The following FABP12 variants were observed in gnomAD, a reference collection of about 807,000 sequenced individuals.
The protein encoded by FABP12 is fatty acid-binding protein 12.
FABP12 carries 19 observed loss-of-function variants against 13.7 expected under a neutral mutation model. The observed-to-expected ratio is 1.39, with a 90% CI of 0.97 to 2.04. The LOEUF (loss-of-function observed/expected upper bound fraction) is 2.04, where lower values mean the gene tolerates loss of function less well. Among genes scored for constraint, FABP12 ranks in the 30% most tolerant of loss-of-function variants. The pLI, the probability that FABP12 is intolerant of heterozygous loss-of-function variation, is 0.00. For synonymous variants in FABP12, 61 were observed against 57.0 expected (o/e 1.07, Z -0.32); for missense variants, 182 against 164.2 (o/e 1.11, Z -0.59).
intron 1 of FABP12, among the ~76,000 whole-genome samples, chr8:81,568,146 G>T (rs1809862958): frequency 2.2e-5 from 3 of 136,230 alleles, no homozygotes; most frequent in Non-Finnish European, 4.8e-5. Flanking sequence ...AAAAAAAAAA[G>T]TTTCCACACA....
intron 4 of FABP12, among the ~76,000 whole-genome samples, chr8:81,525,529 A>AAT (rs1554576048): frequency 1.3e-5 from 2 of 149,976 alleles, no homozygotes; most frequent in African/African-American, 5.0e-5. Context: ...AAAAAAAAAA[A>AAT]ATAGATAGAT....
At chr8:81,553,575 A>G (rs1041104900) in intron 1 of FABP12, among the ~76,000 whole-genome samples, 1 of 152,174 alleles carries the variant, frequency 6.6e-6, no homozygotes, top group African/African-American at 2.4e-5. Context: ...AGCATCTGTC[A>G]TGCTTTTATT....
intron 1 of FABP12, 83 bp from the exon 2 acceptor site, chr8:81,531,473 T>C: frequency 1.8e-6 from 1 of 565,026 alleles, no homozygotes; most frequent in South Asian, 2.5e-5. Flanking sequence ...CTTGCAATGT[T>C]CCTTGAGTAT....
intron 1 of FABP12, among the ~76,000 whole-genome samples, chr8:81,565,063 A>G (rs761025063): frequency 1.6e-4 from 25 of 152,052 alleles, no homozygotes; most frequent in Non-Finnish European, 2.5e-4. Context: ...ATAGATTTCA[A>G]GAAAAAAAAC....
At chr8:81,583,592 G>A (rs993562764) in intron 1 of FABP12, among the ~76,000 whole-genome samples, 2 of 151,948 alleles carry the variant, frequency 1.3e-5, no homozygotes, top group African/African-American at 4.8e-5. Context: ...GGAAAGACTG[G>A]GGGAAATGAA....
chr8:81,525,100 A>G, exon 5 of FABP12: 3 of 1,588,812 alleles, frequency 1.9e-6, no homozygotes, highest in Non-Finnish European at 2.6e-6. Context: ...GTGTACAGAT[A>G]ACACTGTTCA....
chr8:81,549,917 A>G (rs1171421482), intron 1 of FABP12, among the ~76,000 whole-genome samples: 1 of 152,226 alleles, frequency 6.6e-6, no homozygotes, highest in Non-Finnish European at 1.5e-5. Context: ...CAGTGCCACT[A>G]GACAGATAGG....
At chr8:81,556,340 T>C (rs548877494) in intron 1 of FABP12, among the ~76,000 whole-genome samples, 37 of 152,286 alleles carry the variant, frequency 2.4e-4, no homozygotes, top group Non-Finnish European at 5.3e-4. Context: ...AAAGAGGTTA[T>C]ATTAAAAATA....
At chr8:81,571,059 G>GT (rs1480792967) in intron 1 of FABP12, among the ~76,000 whole-genome samples, 1 of 14,942 alleles carries the variant, frequency 6.7e-5, no homozygotes, top group Non-Finnish European at 1.6e-4. Flanking sequence ...CCCCCACTCA[G>GT]TCCCCCCACC....
chr8:81,541,279 C>T (rs1809334684), intron 1 of FABP12, among the ~76,000 whole-genome samples: 1 of 152,002 alleles, frequency 6.6e-6, no homozygotes, highest in Non-Finnish European at 1.5e-5. Flanking sequence ...ATGATCAGAA[C>T]CAACTCCAGA....
chr8:81,540,484 C>A (rs898558062), intron 1 of FABP12, among the ~76,000 whole-genome samples: 30 of 152,290 alleles, frequency 2.0e-4, no homozygotes, highest in Admixed American at 1.8e-3. Flanking sequence ...ACACTCATAA[C>A]CCAAATTTAA....
intron 1 of FABP12, among the ~76,000 whole-genome samples, chr8:81,563,928 A>C (rs945982643): frequency 2.0e-5 from 3 of 152,188 alleles, no homozygotes; most frequent in African/African-American, 7.2e-5. Context: ...TCAATATTTA[A>C]GTACAAGAAG....
intron 1 of FABP12, among the ~76,000 whole-genome samples, chr8:81,569,386 C>T (rs936620552): frequency 1.3e-5 from 2 of 152,200 alleles, no homozygotes; most frequent in South Asian, 2.1e-4. Flanking sequence ...CCACATTAAA[C>T]AATGATGAGT....
At chr8:81,584,052 T>C (rs1031016199) in intron 1 of FABP12, among the ~76,000 whole-genome samples, 2 of 152,192 alleles carry the variant, frequency 1.3e-5, no homozygotes, top group Admixed American at 6.5e-5. Flanking sequence ...AATCAGTCAA[T>C]GTGATACATC....
At chr8:81,533,098 G>A (rs1378881077) in intron 1 of FABP12, 1 of 152,200 alleles carries the variant, frequency 6.6e-6, no homozygotes. Context: ...TGAAGATGTC[G>A]TATTGGGAGC....
At chr8:81,565,000 A>C (rs1809791239) in intron 1 of FABP12, among the ~76,000 whole-genome samples, 1 of 152,082 alleles carries the variant, frequency 6.6e-6, no homozygotes, top group African/African-American at 2.4e-5. Flanking sequence ...AAAAACAATC[A>C]TACCAATGGA....
chr8:81,577,483 G>C (rs1810068853), intron 1 of FABP12, among the ~76,000 whole-genome samples: 1 of 152,162 alleles, frequency 6.6e-6, no homozygotes, highest in Admixed American at 6.6e-5. Context: ...CAATGGCTGG[G>C]TGCAGTGGTT....
chr8:81,554,684 A>G (rs1178908221), intron 1 of FABP12, among the ~76,000 whole-genome samples: 2 of 152,102 alleles, frequency 1.3e-5, no homozygotes, highest in African/African-American at 4.8e-5. Context: ...ACAAGAACCA[A>G]CCTTGAACTA....
intron 1 of FABP12, among the ~76,000 whole-genome samples, chr8:81,570,012 T>C (rs1296402967): frequency 6.6e-6 from 1 of 152,246 alleles, no homozygotes; most frequent in Non-Finnish European, 1.5e-5. Flanking sequence ...GCATGGGGTC[T>C]GGCCACTGTG....
Sources: allele counts gnomAD v4.1 joint callset (sites outside exome capture counted in the v4.1 genomes callset), GRCh38; gene constraint gnomAD v4.1.1; transcripts MANE v1.5; gene names NCBI Gene and HGNC (gene_info 2026-07-23, HGNC 2026-07-21).